SHANK1: variants seen among roughly 807,000 people sequenced by gnomAD.
The protein encoded by SHANK1 is SH3 and multiple ankyrin repeat domains protein 1.
A neutral mutation model predicts 165.6 loss-of-function variants in SHANK1; 35 were observed. The observed-to-expected ratio is 0.21, with a 90% confidence interval of 0.16 to 0.28. The LOEUF (loss-of-function observed/expected upper bound fraction) is 0.28, where lower values mean the gene tolerates loss of function less well. Ranked by LOEUF, SHANK1 falls within the 10% of genes least tolerant of loss-of-function variation. The probability of loss-of-function intolerance (pLI) is 1.00; values close to 1 mark genes in which losing one functional copy is unlikely to be tolerated. For missense variants in SHANK1, 2,681 were observed against 3,036.4 expected (o/e 0.88, Z 2.75); for synonymous variants, 1,428 against 1,384.8 (o/e 1.03, Z -0.69).
intron 21 of SHANK1, among the ~76,000 whole-genome samples, chr19:50,681,262 TGA>T (rs1986172617): frequency 1.3e-5 from 2 of 151,742 alleles, no homozygotes; most frequent in Admixed American, 1.3e-4. Flanking sequence ...GCCTCCGACA[TGA>T]GAGGGGGACC....
intron 23 of SHANK1, among the ~76,000 whole-genome samples, chr19:50,663,453 C>G (rs975739921): frequency 3.9e-5 from 6 of 152,198 alleles, no homozygotes; most frequent in African/African-American, 1.4e-4. Flanking sequence ...TGCTCCCTCT[C>G]CACTTTCATT....
chr19:50,685,569 CA>C (rs1334818836), intron 21 of SHANK1, among the ~76,000 whole-genome samples: 8 of 151,896 alleles, frequency 5.3e-5, no homozygotes, highest in Non-Finnish European at 8.8e-5. Flanking sequence ...ATTAAAAATA[CA>C]AAAATTAGCC....
In SHANK1 at chr19:50,707,898, TTTC is replaced by T. The variant is rs1372990913; in HGVS notation, c.1078-3387_1078-3385del. Reference sequence around the variant, plus strand: ...GTGTTTTTCTTTTCTTTTCTTTTCTTTTCTTTTCTTTTCTTTTCTTTTCTTTTC... The same window carrying T: ...GTGTTTTTCTTTTCTTTTCTTTTCTTTTTTCTTTTCTTTTCTTTTCTTTTC... On this transcript the variant is annotated intron_variant, in intron 8 of 23. Coordinates refer to ENST00000293441, the MANE Select transcript of SHANK1 (RefSeq NM_016148.5). Among the ~76,000 whole-genome samples, 39 of 18,782 alleles carry T rather than the reference TTTC, an allele frequency of 2.1e-3. No individual in the cohort carries two copies. The South Asian group carries it at 0.04, about 19-fold the overall frequency. 12.3% of individuals were successfully genotyped at this position (18,782 alleles called of 152,430 possible).
rs780681317 is a variant in SHANK1 at position 50,702,953 on chromosome 19, C to T, written c.1554-293G>A. Among the ~76,000 whole-genome samples the T allele has an allele frequency of 6.6e-5, 10 of 152,262 alleles. No homozygotes were observed. The highest frequency in any genetic ancestry group is 2.1e-4 in the South Asian group (1 of 4,816). The stretch of plus-strand genomic sequence containing the variant: ...CTGAGCTGGGACTGTGTCATCCCTC[C>T]GCTCACGAGCCTTCCGCGACTCCCA... On this transcript the variant is annotated intron_variant, in intron 11 of 23. Coordinates refer to ENST00000293441, the MANE Select transcript of SHANK1 (RefSeq NM_016148.5). This position sits in a 1 kb window ranked among gnomAD's most constrained non-coding sequence, Gnocchi z 5.3.
chr19:50,696,490 C>T (rs951843167), intron 15 of SHANK1, among the ~76,000 whole-genome samples: 1 of 151,630 alleles, frequency 6.6e-6, no homozygotes, highest in African/African-American at 2.4e-5. Context: ...AAGGATGCTA[C>T]GCACAAGGGG....
Position 50,667,607 on chromosome 19 carries a change from G to T in SHANK1, c.4353C>A (p.Thr1451=). 7.0e-7 allele frequency: 1 copy of T among 1,438,546 alleles called. No individual in the cohort carries two copies. The highest frequency in any genetic ancestry group is 1.5e-5 in the African/African-American group (1 of 66,860). The allele number at this position is 1,438,546 out of a possible 1,614,324, so 89.1% of individuals were successfully genotyped here. Residue 1451 remains threonine, a synonymous_variant, in exon 23 of 24, where the codon ACC becomes ACA. Transcript: ENST00000293441. This position sits in a 1 kb window ranked among gnomAD's most constrained non-coding sequence, Gnocchi z 5.7. ...GCAGGAGGGGCCCCACCCCGGGAGC[G>T]GTGGGCGGCAGGCGGTGTAGCAGGG... is the stretch of plus-strand genomic sequence containing the variant. ...RRSLLHRLPP[T]APGVGPLLLQ... is the part of the protein sequence containing the mutation.
At chr19:50,679,337 T>A (rs1056018501) in intron 21 of SHANK1, among the ~76,000 whole-genome samples, 1 of 151,264 alleles carries the variant, frequency 6.6e-6, no homozygotes, top group Non-Finnish European at 1.5e-5. Flanking sequence ...ATTTGCAAGC[T>A]GACAAAAGAC....
intron 8 of SHANK1, among the ~76,000 whole-genome samples, chr19:50,707,580 GA>G (rs2088955109): frequency 8.1e-6 from 1 of 123,328 alleles, no homozygotes; most frequent in Non-Finnish European, 1.7e-5. Context: ...TTTTTTTTTT[GA>G]GACAGAGTCT....
rs775803927 is a variant in SHANK1 at position 50,704,521 on chromosome 19, G to A, written c.1078-7C>T. ...GGATCCTGGCACAGGTCTCCTGCGG[G>A]TAATGGCCAGTGGCACAGGACAAAG... On this transcript the variant is annotated splice_polypyrimidine_tract_variant and splice_region_variant and intron_variant, in intron 8 of 23. Coordinates refer to ENST00000293441, the MANE Select transcript of SHANK1 (RefSeq NM_016148.5). The A allele has an allele frequency of 2.5e-6, 4 of 1,612,988 alleles. No homozygotes were observed. The highest frequency in any genetic ancestry group is 1.7e-5 in the Admixed American group (1 of 60,002).
At chr19:50,677,245 A>G (rs1986011566) in intron 21 of SHANK1, among the ~76,000 whole-genome samples, 1 of 150,966 alleles carries the variant, frequency 6.6e-6, no homozygotes, top group Non-Finnish European at 1.5e-5. Context: ...CTCTTGCCTC[A>G]GCCTCCTGAG....
chr19:50,694,019 CCACACACACACACACACACACACACACA>C, intron 15 of SHANK1, among the ~76,000 whole-genome samples: 1 of 138,686 alleles, frequency 7.2e-6, no homozygotes, highest in South Asian at 2.5e-4. Flanking sequence ...CCAGCACACA[CCACACACACACACACACACACACACACA>C]CACACACACA....
In SHANK1 at chr19:50,663,940, C is replaced by CTTTTTT. The variant is rs3087079; in HGVS notation, c.5769-1264_5769-1259dup. 6.4e-4 allele frequency among the ~76,000 whole-genome samples: 70 copies of CTTTTTT among 108,888 alleles called. 2 individuals carry two copies. Among genetic ancestry groups the CTTTTTT allele is most frequent in the Admixed American group, 1.5e-3 (14 of 9,486 alleles). 71.4% of individuals were successfully genotyped at this position (108,888 alleles called of 152,430 possible). A position where few individuals can be genotyped will look rare whatever the true frequency, so the allele number is the denominator to read the frequency against. On this transcript the variant is annotated intron_variant, in intron 23 of 23. Transcript: ENST00000293441. ...TTCTTTTCTTTCTCTCTCTCTCTCT[C>CTTTTTT]TTTTTTTTTTTTTTTTTAAGACAGG...
At chr19:50,677,357 A>AC (rs1363616358) in intron 21 of SHANK1, among the ~76,000 whole-genome samples, 5 of 151,990 alleles carry the variant, frequency 3.3e-5, no homozygotes, top group Admixed American at 2.6e-4. Flanking sequence ...TGAACTCCTG[A>AC]CCTCAGGTGA....
Position 50,687,572 on chromosome 19 carries a change from G to T in SHANK1, c.2389+10C>A, listed in dbSNP as rs369841448. 1 of 1,545,510 alleles carries T rather than the reference G, an allele frequency of 6.5e-7. No homozygotes were observed. The highest frequency in any genetic ancestry group is 2.0e-5 in the Admixed American group (1 of 49,824). The stretch of plus-strand genomic sequence containing the variant: ...CCGGCCCCCTGGCCTCAGCAGCCCC[G>T]CAGGCTCACCCATCTCCTCCAGCTC... On this transcript the variant is annotated intron_variant, in intron 19 of 23. Coordinates refer to ENST00000293441, the MANE Select transcript of SHANK1 (RefSeq NM_016148.5).
chr19:50,677,397 G>A (rs1370118644), intron 21 of SHANK1, among the ~76,000 whole-genome samples: 1 of 152,086 alleles, frequency 6.6e-6, no homozygotes, highest in Non-Finnish European at 1.5e-5. Flanking sequence ...CAAAGTGCTG[G>A]GATTACAGGT....
At chr19:50,707,881 CTTTTCTTTTCTTTTCTTTTCTTT>C (rs1568443567) in intron 8 of SHANK1, among the ~76,000 whole-genome samples, 12 of 2,596 alleles carry the variant, frequency 4.6e-3, no homozygotes, top group African/African-American at 0.028. Context: ...GCGTGTTTTT[CTTTTCTTTTCTTTTCTTTTCTTT>C]TCTTTTCTTT....
chr19:50,695,062 G>A (rs1004594140), intron 15 of SHANK1, among the ~76,000 whole-genome samples: 9 of 145,956 alleles, frequency 6.2e-5, no homozygotes, highest in East Asian at 4.0e-4. Flanking sequence ...CCCAGCCCCG[G>A]CCCGGGTCCC....
rs758466736 is a variant in SHANK1, at chr19:50,703,791, C to T, written c.1262G>A (p.Arg421Gln). The change falls in exon 11 of 24, where the codon CGG becomes CAG. Residue 421 changes from arginine to glutamine, a missense_variant. Physicochemically the swap from Arg to Gln is conservative, Grantham distance 43. Coordinates refer to ENST00000293441, the MANE Select transcript of SHANK1 (RefSeq NM_016148.5). ...CGTCAGCCCTGTGCCTGGGGGCCCC[C>T]GTCGCCGGGCCGCGTACTTGGGGGA... The part of the protein sequence containing the change: ...QESPKYAARR[R>Q]GPPGTGLTVP... 7 of 1,426,810 alleles carry T rather than the reference C, an allele frequency of 4.9e-6. No homozygotes were observed. Among genetic ancestry groups the T allele is most frequent in the Admixed American group, 3.0e-5 (1 of 33,700 alleles). 88.4% of individuals were successfully genotyped at this position (1,426,810 alleles called of 1,614,324 possible).
At chr19:50,687,054 G>A in intron 19 of SHANK1, 1 of 1,462,232 alleles carries the variant, frequency 6.8e-7, no homozygotes. Context: ...GCCCGGGGGA[G>A]AGGCAGTAGA....
Sources: allele counts gnomAD v4.1 joint callset (sites outside exome capture counted in the v4.1 genomes callset), GRCh38; gene constraint gnomAD v4.1.1; non-coding constraint Gnocchi (gnomAD v3.1); transcripts MANE v1.5; gene names NCBI Gene and HGNC (gene_info 2026-07-23, HGNC 2026-07-21).